The following SLC12A5 variants were observed in gnomAD, a reference collection of about 807,000 sequenced individuals.
SLC12A5 encodes solute carrier family 12 member 5.
Under a neutral mutation model 124.0 loss-of-function variants are expected in SLC12A5, and 18 were observed. That is an observed-to-expected ratio of 0.15 (90% CI 0.10 to 0.22). SLC12A5 has a LOEUF of 0.22. Ranked by LOEUF, SLC12A5 falls within the 10% of genes least tolerant of loss-of-function variation. The pLI, the probability that SLC12A5 is intolerant of heterozygous loss-of-function variation, is 1.00. For synonymous variants in SLC12A5, 589 were observed against 568.0 expected (o/e 1.04, Z -0.53); for missense variants, 867 against 1,478.7 (o/e 0.59, Z 6.78).
chr20:46,035,771 T>G lies in SLC12A5; in HGVS notation c.280-6T>G. On this transcript the variant is annotated splice_region_variant and splice_polypyrimidine_tract_variant and intron_variant, in intron 3 of 25. Transcript: ENST00000243964. ...CTGCAGAGACTGATGCTGGCCTCCC[T>G]GGCAGGCCCCACGCATGGGCACCTT... is the stretch of plus-strand genomic sequence containing the variant. 1.9e-6 allele frequency: 3 copies of G among 1,608,930 alleles called. No homozygotes were observed. Among genetic ancestry groups the G allele is most frequent in the Non-Finnish European group, 2.5e-6 (3 of 1,176,746 alleles).
intron 11 of SLC12A5, among the ~76,000 whole-genome samples, chr20:46,044,328 G>T (rs183012242): frequency 6.6e-5 from 10 of 152,204 alleles, no homozygotes; most frequent in African/African-American, 2.4e-4. Context: ...TTCTTGGTGG[G>T]TCTATACTGG....
chr20:46,036,454 G>T (rs991907774), intron 4 of SLC12A5: 6 of 357,622 alleles, frequency 1.7e-5, no homozygotes, highest in African/African-American at 1.2e-4. Context: ...GCTTGGAGAA[G>T]TGAAGTGAGT....
chr20:46,041,575 C>G (rs145138367), intron 8 of SLC12A5, 35 bp downstream of exon 8: 8 of 1,607,348 alleles, frequency 5.0e-6, no homozygotes, highest in African/African-American at 4.0e-5. Context: ...ATCCAGGGAA[C>G]GCTGCAGGGA....
chr20:46,049,452 A>G (rs761450768), intron 16 of SLC12A5, among the ~76,000 whole-genome samples, 170 bp from the exon 17 acceptor site: 2 of 152,102 alleles, frequency 1.3e-5, no homozygotes, highest in African/African-American at 2.4e-5. Flanking sequence ...GAGTGAGGTG[A>G]ATGGAGAAAT....
At chr20:46,029,880 GTGTGTGTGTGCGCGCGCGTGCGTA>G (rs1568855972) in intron 1 of SLC12A5, among the ~76,000 whole-genome samples, 4 of 53,150 alleles carry the variant, frequency 7.5e-5, no homozygotes, top group Non-Finnish European at 1.9e-4. Context: ...GTGTGTGTGT[GTGTGTGTGTGCGCGCGCGTGCGTA>G]TGTGTGTGTG....
chr20:46,052,224 C>G (rs2084652834), intron 18 of SLC12A5, among the ~76,000 whole-genome samples: 1 of 152,218 alleles, frequency 6.6e-6, no homozygotes, highest in South Asian at 2.1e-4. Context: ...GTGACTCACT[C>G]CCTCTGAGAT....
chr20:46,049,969 TCA>T (rs1260840857), intron 17 of SLC12A5, among the ~76,000 whole-genome samples, 179 bp downstream of exon 17: 1 of 152,248 alleles, frequency 6.6e-6, no homozygotes, highest in African/African-American at 2.4e-5. Flanking sequence ...AGAATTCAAC[TCA>T]CAGCATGAAA....
intron 2 of SLC12A5, 143 bp downstream of exon 2, chr20:46,035,185 C>A: frequency 9.9e-7 from 1 of 1,008,274 alleles, no homozygotes; most frequent in Non-Finnish European, 1.5e-6. Flanking sequence ...CTCCCCATCC[C>A]TCCTTCTCCC....
intron 8 of SLC12A5, among the ~76,000 whole-genome samples, chr20:46,042,494 C>T (rs985200646): frequency 2.0e-5 from 3 of 151,764 alleles, no homozygotes; most frequent in East Asian, 1.9e-4. Flanking sequence ...ACCCAGTAAA[C>T]ATTTGGCTGT....
At chr20:46,039,639 G>A (rs555662184) in intron 6 of SLC12A5, among the ~76,000 whole-genome samples, 32 of 152,218 alleles carry the variant, frequency 2.1e-4, no homozygotes, top group African/African-American at 7.7e-4. Context: ...GCCAGGGGTG[G>A]TGGTGGGCAC....
At chr20:46,034,395 A>T (rs895366296) in intron 1 of SLC12A5, among the ~76,000 whole-genome samples, 2 of 152,156 alleles carry the variant, frequency 1.3e-5, no homozygotes, top group Admixed American at 6.5e-5. Flanking sequence ...GTCTCCCTGC[A>T]CTTGGGTTGC....
intron 14 of SLC12A5, among the ~76,000 whole-genome samples, chr20:46,046,747 T>C (rs1457402027): frequency 1.3e-5 from 2 of 152,228 alleles, no homozygotes; most frequent in African/African-American, 4.8e-5. Context: ...ATCATGACTC[T>C]GCACTTCCTA....
intron 2 of SLC12A5, 146 bp downstream of exon 2, chr20:46,035,188 C>T (rs2084486313): frequency 5.9e-6 from 6 of 1,015,636 alleles, no homozygotes; most frequent in Admixed American, 3.9e-5. Flanking sequence ...CCCATCCCTC[C>T]TTCTCCCTCC....
At position 46,058,141 on chromosome 20, in the gene SLC12A5, G is replaced by A; in HGVS notation, c.*536G>A. Reference sequence around the variant, plus strand: ...ATACATAGTGTACAGGAGACATCGCGTGTATTTTTAACGTCCCCATATTTA... The same window carrying A: ...ATACATAGTGTACAGGAGACATCGCATGTATTTTTAACGTCCCCATATTTA... On this transcript the variant is annotated 3_prime_UTR_variant, in exon 26 of 26. Transcript: ENST00000243964. The surrounding 1 kb of genome is among the most constrained non-coding windows in gnomAD (Gnocchi z 5.8). The A allele has an allele frequency of 4.6e-6, 1 of 216,356 alleles. No individual in the cohort carries two copies. The highest frequency in any genetic ancestry group is 9.1e-6 in the Non-Finnish European group (1 of 110,484). 13.4% of individuals were successfully genotyped at this position (216,356 alleles called of 1,614,324 possible). A position where few individuals can be genotyped will look rare whatever the true frequency, so the allele number is the denominator to read the frequency against.
intron 1 of SLC12A5, 68 bp downstream of exon 1, chr20:46,029,464 G>A: frequency 6.7e-7 from 1 of 1,496,670 alleles, no homozygotes; most frequent in Non-Finnish European, 9.0e-7. Flanking sequence ...GGGGTTAGAG[G>A]CGGAGCGGGG....
rs753287062 is a variant in SLC12A5, at chr20:46,036,729, C to G, written c.427-12C>G. ...ACCCCAGCCACCGCTCTGATGATCT[C>G]TTTCCTCACAGACGATGCTCACGGC... On this transcript the variant is annotated splice_polypyrimidine_tract_variant and intron_variant, in intron 4 of 25. Coordinates refer to ENST00000243964, the MANE Select transcript of SLC12A5 (RefSeq NM_020708.5). The G allele has an allele frequency of 6.2e-7, 1 of 1,613,702 alleles. No homozygotes were observed. Among genetic ancestry groups the G allele is most frequent in the South Asian group, 1.1e-5 (1 of 91,066 alleles).
chr20:46,035,391 C>T lies in SLC12A5; in HGVS notation c.148-13C>T, dbSNP rs780904626. 3 of 1,607,340 alleles carry T rather than the reference C, an allele frequency of 1.9e-6. No individual in the cohort carries two copies. In the African/African-American group the frequency reaches 4.0e-5, roughly 22 times the overall value. ...TCCCCCAGCCTCCTAGCACTGACAC[C>T]CTCCCTCCATAGGAGGAGATGGACA... On this transcript the variant is annotated splice_polypyrimidine_tract_variant and intron_variant, in intron 2 of 25. Coordinates refer to ENST00000243964, the MANE Select transcript of SLC12A5 (RefSeq NM_020708.5).
chr20:46,041,729 G>A (rs959349255), intron 8 of SLC12A5, among the ~76,000 whole-genome samples, 189 bp downstream of exon 8: 10 of 152,172 alleles, frequency 6.6e-5, no homozygotes, highest in South Asian at 2.1e-4. Context: ...GTATCTCACC[G>A]CTAGTAGGAA....
chr20:46,054,920 A>G lies in SLC12A5; in HGVS notation c.2684A>G (p.Glu895Gly). The change falls in exon 21 of 26, where the codon GAG (glutamate) becomes GGG (glycine). Residue 895 changes from glutamate to glycine, a missense_variant. Physicochemically the swap from Glu to Gly is moderately conservative, Grantham distance 98. Coordinates refer to ENST00000243964, the MANE Select transcript of SLC12A5 (RefSeq NM_020708.5). ...CCAACCTCTGTCTGCCCACAGCATG[A>G]GAGCGACATCTCAGCTTACACCTAT... Reference protein sequence around the residue: ...TAEVEVVEMHESDISAYTYEK... With the variant: ...TAEVEVVEMHGSDISAYTYEK... 1 of 1,613,042 alleles carries G rather than the reference A, an allele frequency of 6.2e-7. No homozygotes were observed. The highest frequency in any genetic ancestry group is 1.1e-5 in the South Asian group (1 of 91,008).
Sources: gnomAD v4.1 joint callset for allele counts (sites outside exome capture counted in the v4.1 genomes callset) on GRCh38, gnomAD v4.1.1 for gene constraint, Gnocchi (gnomAD v3.1) non-coding constraint, MANE v1.5 for transcripts, NCBI Gene and HGNC (gene_info 2026-07-23, HGNC 2026-07-21) for gene names.